The following LSM14B variants were observed in gnomAD, a reference collection of about 807,000 sequenced individuals.
LSM14B encodes the protein protein LSM14 homolog B.
A neutral mutation model predicts 42.1 loss-of-function variants in LSM14B; 8 were observed. That is an observed-to-expected ratio of 0.19 (90% confidence interval 0.11 to 0.34). The LOEUF is 0.34. LSM14B is among the 10% of genes least tolerant of loss of function. The probability of loss-of-function intolerance (pLI) is 1.00; values close to 1 mark genes in which losing one functional copy is unlikely to be tolerated. For missense variants in LSM14B, 396 were observed against 513.1 expected (o/e 0.77, Z 2.21); for synonymous variants, 219 against 209.7 (o/e 1.04, Z -0.38).
intron 3 of LSM14B, 122 bp from the exon 4 acceptor site, chr20:62,129,663 A>G (rs2056705888): frequency 2.6e-5 from 28 of 1,095,590 alleles, no homozygotes; most frequent in African/African-American, 1.6e-5. Context: ...TGGATTTGAT[A>G]GAACATCTAG....
At chr20:62,124,912 C>G (rs941895497) in intron 2 of LSM14B, 132 bp downstream of exon 2, 6 of 996,544 alleles carry the variant, frequency 6.0e-6, no homozygotes, top group African/African-American at 1.7e-5. Context: ...GGCAGCGTCT[C>G]GCTGTGTCAC....
chr20:62,131,441 G>A lies in LSM14B; in HGVS notation c.921G>A (p.Gly307=), dbSNP rs2056763888. ...CGCCCGCTGAGGAAGACCTTCTGGG[G>A]CCCAACTGCTACTATGACAAATCCA... The part of the protein sequence containing the change: ...AEAPAEEDLL[G]PNCYYDKSKS... The change falls in exon 7 of 9, where the codon GGG becomes GGA. Residue 307 remains glycine (G), a synonymous_variant. Transcript: ENST00000279068. 5.0e-6 allele frequency: 8 copies of A among 1,613,802 alleles called. No individual in the cohort carries two copies. The highest frequency in any genetic ancestry group is 1.7e-5 in the Admixed American group (1 of 59,996).
chr20:62,122,878 C>A lies in LSM14B; in HGVS notation c.127+85C>A. 1 of 1,194,838 alleles carries A rather than the reference C, an allele frequency of 8.4e-7. No individual in the cohort carries two copies. 74.0% of individuals were successfully genotyped at this position (1,194,838 alleles called of 1,614,324 possible). A position where few individuals can be genotyped will look rare whatever the true frequency, so the allele number is the denominator to read the frequency against. On this transcript the variant is annotated intron_variant, in intron 1 of 8. Transcript: ENST00000279068. The surrounding 1 kb of genome is among the most constrained non-coding windows in gnomAD (Gnocchi z 4.6). ...GGTGCCCTCCCCGCCCCGGGGCGCC[C>A]CGGAGCCTGGCGCCCAGACCCCGCC...
At chr20:62,131,249 G>T in intron 6 of LSM14B, 107 bp from the exon 7 acceptor site, 1 of 1,270,754 alleles carries the variant, frequency 7.9e-7, no homozygotes, top group Non-Finnish European at 1.1e-6. Flanking sequence ...CATAGTTGAT[G>T]TCTTAGCTTG....
intron 8 of LSM14B, 90 bp from the exon 9 acceptor site, chr20:62,134,073 G>A (rs548302747): frequency 8.0e-6 from 3 of 374,578 alleles, no homozygotes; most frequent in Non-Finnish European, 1.6e-5. Context: ...TCTGGGGGCA[G>A]GAGGGAGGCT....
intron 3 of LSM14B, among the ~76,000 whole-genome samples, chr20:62,127,190 T>C (rs1009003968): frequency 1.3e-5 from 2 of 152,218 alleles, no homozygotes; most frequent in Admixed American, 6.5e-5. Context: ...TCAACCAAGA[T>C]TGAAAAACCC....
chr20:62,128,985 G>C (rs2056686192), intron 3 of LSM14B: 3 of 1,304,104 alleles, frequency 2.3e-6, no homozygotes, highest in Non-Finnish European at 3.0e-6. Flanking sequence ...GTCCTGTTTA[G>C]AGTCCCTACA....
At position 62,129,964 on chromosome 20, in the gene LSM14B, C is replaced by T. The variant is rs1409653881; in HGVS notation, c.595+12C>T. 9 of 1,599,624 alleles carry T rather than the reference C, an allele frequency of 5.6e-6. No individual in the cohort carries two copies. The highest frequency in any genetic ancestry group is 7.7e-6 in the Non-Finnish European group (9 of 1,173,778). ...CAAGACGGCCAGCGGTACTTGAACA[C>T]ATCATTTCCTGGAGTTTGCTTGATG... On this transcript the variant is annotated intron_variant, in intron 4 of 8. Coordinates refer to ENST00000279068, the MANE Select transcript of LSM14B (RefSeq NM_144703.3).
intron 3 of LSM14B, chr20:62,127,510 G>T (rs943854297): frequency 7.5e-6 from 8 of 1,061,980 alleles, no homozygotes; most frequent in Non-Finnish European, 9.9e-6. Context: ...TTCCAAGCTT[G>T]CTAGACACAA....
At chr20:62,125,018 C>T (rs1001477858) in intron 2 of LSM14B, among the ~76,000 whole-genome samples, 1 of 152,052 alleles carries the variant, frequency 6.6e-6, no homozygotes, top group Non-Finnish European at 1.5e-5. Context: ...GTAGCTGGGA[C>T]TACAGGGACG....
intron 2 of LSM14B, chr20:62,126,089 A>G (rs1254482007): frequency 7.7e-6 from 5 of 648,092 alleles, no homozygotes; most frequent in Non-Finnish European, 1.1e-5. Flanking sequence ...AAACAAAAAA[A>G]GGAATTACAT....
At chr20:62,132,264 T>C (rs1452768365) in intron 7 of LSM14B, among the ~76,000 whole-genome samples, 2 of 152,068 alleles carry the variant, frequency 1.3e-5, no homozygotes, top group African/African-American at 2.4e-5. Context: ...CGCAGATGAG[T>C]GCGGGAAGTG....
intron 6 of LSM14B, 67 bp from the exon 7 acceptor site, chr20:62,131,289 C>T: frequency 1.3e-6 from 2 of 1,520,112 alleles, no homozygotes; most frequent in South Asian, 2.7e-5. Context: ...CCCGGAGGGA[C>T]CACCCTGCTA....
At chr20:62,124,063 A>G (rs1320756803) in intron 1 of LSM14B, among the ~76,000 whole-genome samples, 1 of 152,230 alleles carries the variant, frequency 6.6e-6, no homozygotes, top group African/African-American at 2.4e-5. Flanking sequence ...AGTAGACTCA[A>G]TTCCTTATAG....
chr20:62,123,667 C>CGT (rs1186403425), intron 1 of LSM14B, among the ~76,000 whole-genome samples: 3 of 152,224 alleles, frequency 2.0e-5, no homozygotes, highest in Non-Finnish European at 2.9e-5. Flanking sequence ...TGCCTAAGCC[C>CGT]GTGTGTGTGC....
In LSM14B at chr20:62,130,461, C is replaced by G; in HGVS notation, c.674-69C>G. The G allele has an allele frequency of 6.3e-7, 1 of 1,578,650 alleles. No individual in the cohort carries two copies. Among genetic ancestry groups the G allele is most frequent in the Non-Finnish European group, 8.6e-7 (1 of 1,160,506 alleles). On this transcript the variant is annotated intron_variant, in intron 5 of 8. Coordinates refer to ENST00000279068, the MANE Select transcript of LSM14B (RefSeq NM_144703.3). This position sits in a 1 kb window ranked among gnomAD's most constrained non-coding sequence, Gnocchi z 4.1. ...GGCCTTGGGGGTGTGCCTGGAAATT[C>G]CTTGTGAGGTGTTTGAGATCACTGG... is the stretch of plus-strand genomic sequence containing the variant.
chr20:62,131,895 C>T (rs911643508), intron 7 of LSM14B, among the ~76,000 whole-genome samples: 6 of 152,228 alleles, frequency 3.9e-5, no homozygotes, highest in Non-Finnish European at 8.8e-5. Context: ...AGAACGTGCT[C>T]ACACTGGCTT....
intron 2 of LSM14B, chr20:62,126,083 A>G (rs1488012186): frequency 1.6e-6 from 1 of 642,486 alleles, no homozygotes; most frequent in African/African-American, 1.8e-5. Context: ...AAAACAAAAC[A>G]AAAAAAGGAA....
At chr20:62,132,621 T>A (rs1416303532) in intron 7 of LSM14B, among the ~76,000 whole-genome samples, 1 of 152,220 alleles carries the variant, frequency 6.6e-6, no homozygotes, top group African/African-American at 2.4e-5. Flanking sequence ...CTAAGTCTTT[T>A]GGCCTGGGCG....
Sources: gnomAD v4.1 joint callset for allele counts (sites outside exome capture counted in the v4.1 genomes callset) on GRCh38, gnomAD v4.1.1 for gene constraint, Gnocchi (gnomAD v3.1) non-coding constraint, MANE v1.5 for transcripts, NCBI Gene and HGNC (gene_info 2026-07-23, HGNC 2026-07-21) for gene names.